Variants in MYO16 observed in about 807,000 individuals in gnomAD.
The protein encoded by MYO16 is myosin XVI.
In MYO16, 94 loss-of-function variants were observed where a neutral mutation model predicts 205.3. That is an observed-to-expected ratio of 0.46 (90% CI 0.39 to 0.54). The LOEUF (loss-of-function observed/expected upper bound fraction) is 0.54. MYO16 is among the 20% of genes least tolerant of loss of function. The pLI is 0.00. For synonymous variants in MYO16, 988 were observed against 954.0 expected (o/e 1.04, Z -0.66); for missense variants, 2,315 against 2,387.5 (o/e 0.97, Z 0.63).
chr13:108,851,481 A>C (rs1054412687), intron 10 of MYO16, among the ~76,000 whole-genome samples: 20 of 152,202 alleles, frequency 1.3e-4, no homozygotes, highest in Admixed American at 1.3e-4. Flanking sequence ...TAGAAAATAC[A>C]TTCTTACCTA....
chr13:109,071,653 A>C (rs1279097795), intron 27 of MYO16, among the ~76,000 whole-genome samples: 2 of 152,218 alleles, frequency 1.3e-5, no homozygotes, highest in Non-Finnish European at 2.9e-5. Flanking sequence ...TTTATACATT[A>C]GATTTGGTAA....
At chr13:109,010,840 G>A (rs1885566414) in intron 22 of MYO16, among the ~76,000 whole-genome samples, 1 of 151,572 alleles carries the variant, frequency 6.6e-6, no homozygotes, top group Non-Finnish European at 1.5e-5. Flanking sequence ...GCTATTAGTT[G>A]AAATAAAGAA....
chr13:108,508,417 G>C, the MYO16 span, among the ~76,000 whole-genome samples: 1 of 152,102 alleles, frequency 6.6e-6, no homozygotes, highest in African/African-American at 2.4e-5. Flanking sequence ...AGGTTTGCTT[G>C]TTTCTTTTCT....
intron 12 of MYO16, among the ~76,000 whole-genome samples, chr13:108,880,334 T>C (rs1461829202): frequency 6.6e-6 from 1 of 152,238 alleles, no homozygotes; most frequent in African/African-American, 2.4e-5. Context: ...CTGATGGTAG[T>C]TTCTTTTGCT....
At chr13:108,747,922 AC>A (rs915557021) in intron 4 of MYO16, among the ~76,000 whole-genome samples, 63 of 152,230 alleles carry the variant, frequency 4.1e-4, no homozygotes, top group African/African-American at 1.5e-3. Context: ...AGACTTCATT[AC>A]CCTTTTTTCA....
chr13:108,660,939 T>C (rs901519412), intron 1 of MYO16, among the ~76,000 whole-genome samples: 1 of 152,210 alleles, frequency 6.6e-6, no homozygotes, highest in South Asian at 2.1e-4. Context: ...GTTTCCATGA[T>C]TTAAATCTCC....
At chr13:108,597,720 C>G (rs948131715) in intron 1 of MYO16, among the ~76,000 whole-genome samples, 2 of 152,102 alleles carry the variant, frequency 1.3e-5, no homozygotes, top group African/African-American at 4.8e-5. Flanking sequence ...TGCTTTTGAT[C>G]AGCTTGAAAC....
At position 108,870,852 on chromosome 13, in the gene MYO16, G is replaced by A. The variant is rs566048238; in HGVS notation, c.1425+4610G>A. The stretch of plus-strand genomic sequence containing the variant: ...TGATTTCCTGCCTTTCCTAAAATAA[G>A]TATTTGGGGGTTTTAAATTTTACTT... On this transcript the variant is annotated intron_variant, in intron 12 of 34. Coordinates refer to ENST00000457511, the MANE Select transcript of MYO16 (RefSeq NM_001198950.3). Among the ~76,000 whole-genome samples, 54 of 151,988 alleles carry A rather than the reference G, an allele frequency of 3.6e-4. 4 individuals are homozygous for A. Among genetic ancestry groups the A allele is most frequent in the African/African-American group, 1.1e-3 (46 of 41,472 alleles).
chr13:108,966,129 G>C (rs1883784989), intron 20 of MYO16, among the ~76,000 whole-genome samples: 1 of 152,180 alleles, frequency 6.6e-6, no homozygotes. Context: ...TGTGATTTGA[G>C]AGTAGCTATG....
chr13:108,504,212 C>T, the MYO16 span, among the ~76,000 whole-genome samples: 12 of 152,236 alleles, frequency 7.9e-5, no homozygotes, highest in African/African-American at 2.9e-4. Flanking sequence ...ACCTTCGCCT[C>T]CGGGGTTTAA....
chr13:109,048,213 A>C, intron 24 of MYO16: 1 of 547,092 alleles, frequency 1.8e-6, no homozygotes, highest in Non-Finnish European at 3.4e-6. Flanking sequence ...ATTTAGAATG[A>C]AAATATGATG....
intron 2 of MYO16, among the ~76,000 whole-genome samples, chr13:108,677,035 A>T (rs1370854001): frequency 6.6e-6 from 1 of 151,038 alleles, no homozygotes; most frequent in Non-Finnish European, 1.5e-5. Context: ...TTATGCAAAG[A>T]AGAGGATCAG....
At chr13:108,700,680 G>A (rs191550092) in intron 2 of MYO16, among the ~76,000 whole-genome samples, 46 of 152,292 alleles carry the variant, frequency 3.0e-4, no homozygotes, top group African/African-American at 9.9e-4. Context: ...TTTCCCTGGG[G>A]CATTTGTAGA....
At chr13:108,739,167 A>G (rs1566580130) in intron 4 of MYO16, among the ~76,000 whole-genome samples, 2 of 152,062 alleles carry the variant, frequency 1.3e-5, no homozygotes, top group African/African-American at 4.8e-5. Flanking sequence ...TGTGAATTTG[A>G]TCCTGTCATT....
chr13:108,496,285 G>A, the MYO16 span, among the ~76,000 whole-genome samples: 1 of 152,232 alleles, frequency 6.6e-6, no homozygotes, highest in African/African-American at 2.4e-5. Context: ...GAGGGACGCG[G>A]AAGCCCCGTT....
chr13:109,006,325 C>T (rs758499406), intron 21 of MYO16, among the ~76,000 whole-genome samples: 4 of 152,124 alleles, frequency 2.6e-5, no homozygotes, highest in Admixed American at 6.5e-5. Context: ...CTGCAACCTT[C>T]GCCTCCCAGG....
In MYO16 at chr13:108,645,689, G is replaced by C. The variant is rs533679432; in HGVS notation, c.28+15817G>C. On this transcript the variant is annotated intron_variant, in intron 1 of 34. Transcript: ENST00000457511. ...GAAGATGATGGATCAATGTTGACTG[G>C]AATTACATGGAGGGTGATAGATCAG... Among the ~76,000 whole-genome samples, 9 of 152,312 alleles carry C rather than the reference G, an allele frequency of 5.9e-5. No individual in the cohort carries two copies. In the South Asian group the frequency reaches 1.9e-3, roughly 32 times the overall value.
At chr13:109,005,985 T>G (rs965226647) in intron 21 of MYO16, among the ~76,000 whole-genome samples, 1 of 152,126 alleles carries the variant, frequency 6.6e-6, no homozygotes, top group African/African-American at 2.4e-5. Context: ...AAGTGGGAGC[T>G]CCCTTTGGGA....
At chr13:108,574,379 G>T in the MYO16 span, among the ~76,000 whole-genome samples, 1 of 152,152 alleles carries the variant, frequency 6.6e-6, no homozygotes, top group Admixed American at 6.6e-5. Context: ...AGTTGCAAGA[G>T]ACAAGCATAA....
Sources: allele counts gnomAD v4.1 joint callset (sites outside exome capture counted in the v4.1 genomes callset), GRCh38; gene constraint gnomAD v4.1.1; transcripts MANE v1.5; gene names NCBI Gene and HGNC (gene_info 2026-07-23, HGNC 2026-07-21).